The following GUCY1A2 variants were observed in gnomAD, a reference collection of about 807,000 sequenced individuals.
GUCY1A2 encodes the protein guanylate cyclase soluble subunit alpha-2.
Under a neutral mutation model 63.5 loss-of-function variants are expected in GUCY1A2, and 27 were observed. The ratio of observed to expected loss-of-function variants is 0.43; its 90% CI spans 0.31 to 0.59. GUCY1A2 has a LOEUF of 0.59. Ranked by LOEUF, GUCY1A2 falls within the 20% of genes least tolerant of loss-of-function variation. The pLI is 0.11. For missense variants in GUCY1A2, 768 were observed against 913.3 expected (o/e 0.84, Z 2.05); for synonymous variants, 364 against 343.5 (o/e 1.06, Z -0.66).
intron 4 of GUCY1A2, chr11:106,827,715 A>G (rs1858990831): frequency 6.5e-7 from 1 of 1,543,864 alleles, no homozygotes. Context: ...TTCTTCCAAT[A>G]TTTTAGAAAT....
At chr11:106,691,823 A>C (rs1862630478) in intron 7 of GUCY1A2, among the ~76,000 whole-genome samples, 1 of 152,242 alleles carries the variant, frequency 6.6e-6, no homozygotes, top group African/African-American at 2.4e-5. Context: ...ATGAGAGCAC[A>C]TAAGGATAAA....
intron 4 of GUCY1A2, chr11:106,823,944 A>G (rs1369848354): frequency 4.3e-6 from 2 of 469,560 alleles, no homozygotes; most frequent in Non-Finnish European, 7.1e-6. Context: ...TGTAAATTTT[A>G]TTATTTCAAG....
chr11:106,729,548 G>A (rs567237311), intron 6 of GUCY1A2, among the ~76,000 whole-genome samples: 4 of 152,080 alleles, frequency 2.6e-5, no homozygotes, highest in Middle Eastern at 3.2e-3. Flanking sequence ...CAGCCATTTT[G>A]TGGAAACTGC....
At chr11:106,990,634 C>T (rs763962281) in intron 1 of GUCY1A2, among the ~76,000 whole-genome samples, 2 of 152,240 alleles carry the variant, frequency 1.3e-5, no homozygotes, top group Non-Finnish European at 1.5e-5. Context: ...CAGTTGTCAT[C>T]GCACAAAATA....
At chr11:106,735,344 G>A (rs1365497230) in intron 6 of GUCY1A2, among the ~76,000 whole-genome samples, 1 of 152,012 alleles carries the variant, frequency 6.6e-6, no homozygotes, top group Non-Finnish European at 1.5e-5. Context: ...CTATCTCCAT[G>A]AGTTCAACTG....
intron 4 of GUCY1A2, among the ~76,000 whole-genome samples, chr11:106,926,644 G>A (rs1256065849): frequency 5.3e-5 from 8 of 151,772 alleles, no homozygotes; most frequent in African/African-American, 1.9e-4. Flanking sequence ...AGAAGGCTCC[G>A]AACACATTTT....
intron 4 of GUCY1A2, among the ~76,000 whole-genome samples, chr11:106,928,729 C>G (rs1267328264): frequency 1.3e-5 from 2 of 152,156 alleles, no homozygotes; most frequent in Admixed American, 1.3e-4. Flanking sequence ...GGCTGCAAAT[C>G]TATACAGTAT....
intron 4 of GUCY1A2, among the ~76,000 whole-genome samples, chr11:106,883,177 T>C (rs955083647): frequency 6.6e-5 from 10 of 152,090 alleles, no homozygotes; most frequent in Admixed American, 2.0e-4. Flanking sequence ...CGCAATTGCA[T>C]CTTTTAAGTC....
chr11:106,689,040 A>G (rs1166140106), intron 7 of GUCY1A2, among the ~76,000 whole-genome samples: 2 of 152,184 alleles, frequency 1.3e-5, no homozygotes, highest in African/African-American at 2.4e-5. Context: ...CTCCTAAGAC[A>G]GATTCATGTT....
chr11:106,988,300 T>C (rs1591355828), intron 1 of GUCY1A2, among the ~76,000 whole-genome samples: 1 of 152,168 alleles, frequency 6.6e-6, no homozygotes. Context: ...GGCTTGGCAG[T>C]TCCTGAGCTA....
At chr11:106,756,458 T>C (rs907495209) in intron 6 of GUCY1A2, among the ~76,000 whole-genome samples, 42 of 152,210 alleles carry the variant, frequency 2.8e-4, no homozygotes, top group African/African-American at 9.4e-4. Context: ...GTCTTTACAA[T>C]TGGCGTGTTT....
At chr11:106,965,555 T>G (rs762111389) in intron 3 of GUCY1A2, among the ~76,000 whole-genome samples, 5 of 152,216 alleles carry the variant, frequency 3.3e-5, no homozygotes, top group Non-Finnish European at 5.9e-5. Flanking sequence ...TTGGGATGGC[T>G]CTCTTCTAGT....
chr11:106,894,297 CAT>C (rs1376632131), intron 4 of GUCY1A2, among the ~76,000 whole-genome samples: 1 of 152,132 alleles, frequency 6.6e-6, no homozygotes, highest in Non-Finnish European at 1.5e-5. Context: ...TGTCAAAACA[CAT>C]GAGACAAAAA....
At chr11:106,915,965 T>TAAAGA (rs1242405760) in intron 4 of GUCY1A2, among the ~76,000 whole-genome samples, 1 of 139,464 alleles carries the variant, frequency 7.2e-6, no homozygotes, top group African/African-American at 2.6e-5. Context: ...ACTCTCACTG[T>TAAAGA]AAAGAAAAGA....
chr11:106,976,041 T>G (rs1213615137), intron 3 of GUCY1A2, among the ~76,000 whole-genome samples: 1 of 152,248 alleles, frequency 6.6e-6, no homozygotes, highest in Non-Finnish European at 1.5e-5. Context: ...TTGTGATCTA[T>G]GACTTCAAGT....
At position 106,708,543 on chromosome 11, in the gene GUCY1A2, G is replaced by A. The variant is rs764594827; in HGVS notation, c.1960C>T (p.Arg654Trp). ...ASKFESGSHP[R>W]RINVSPTTYQ... Reference sequence around the variant, plus strand: ...GTGGTTGGGCTGACATTGATGCGCCGAGGGTGACTTCCCGACTCGAATTTG... The same window carrying A: ...GTGGTTGGGCTGACATTGATGCGCCAAGGGTGACTTCCCGACTCGAATTTG... Residue 654 changes from arginine to tryptophan, a missense_variant, in exon 7 of 8, where the codon CGG becomes TGG. By Grantham distance (101) the Arg-to-Trp change is moderately radical. Coordinates refer to ENST00000526355, the MANE Select transcript of GUCY1A2 (RefSeq NM_000855.3). 3 of 1,612,572 alleles carry A rather than the reference G, an allele frequency of 1.9e-6. No individual in the cohort carries two copies. The highest frequency in any genetic ancestry group is 1.7e-5 in the Admixed American group (1 of 59,892).
At chr11:106,945,731 G>A (rs1022433830) in intron 3 of GUCY1A2, among the ~76,000 whole-genome samples, 5 of 152,194 alleles carry the variant, frequency 3.3e-5, no homozygotes, top group South Asian at 2.1e-4. Flanking sequence ...TTGGGAGGCC[G>A]AGGCGGGCAG....
At chr11:106,978,834 C>T (rs1861297337) in intron 2 of GUCY1A2, 94 bp from the exon 3 acceptor site, 1 of 719,564 alleles carries the variant, frequency 1.4e-6, no homozygotes, top group Admixed American at 2.8e-5. Context: ...GCAGTCTATG[C>T]TTTCATCATA....
chr11:106,710,178 G>T (rs190054980), intron 6 of GUCY1A2, among the ~76,000 whole-genome samples: 248 of 14,342 alleles, frequency 0.017, 14 homozygotes, highest in African/African-American at 0.069. Flanking sequence ...ATATAATATA[G>T]TTATATATAT....
Sources: allele counts gnomAD v4.1 joint callset (sites outside exome capture counted in the v4.1 genomes callset), GRCh38; gene constraint gnomAD v4.1.1; transcripts MANE v1.5; gene names NCBI Gene and HGNC (gene_info 2026-07-23, HGNC 2026-07-21).